Variants in MYO16 observed in about 807,000 individuals in gnomAD.
The protein encoded by MYO16 is myosin XVI.
A neutral mutation model predicts 205.3 loss-of-function variants in MYO16; 94 were observed. The ratio of observed to expected loss-of-function variants is 0.46; its 90% CI spans 0.39 to 0.54. The LOEUF is 0.54. Among genes scored for constraint, MYO16 ranks in the 20% least tolerant of loss-of-function variants. The pLI is 0.00. For synonymous variants in MYO16, 988 were observed against 954.0 expected (o/e 1.04, Z -0.66); for missense variants, 2,315 against 2,387.5 (o/e 0.97, Z 0.63).
At chr13:109,139,800 A>T (rs1876951795) in intron 31 of MYO16, among the ~76,000 whole-genome samples, 1 of 151,798 alleles carries the variant, frequency 6.6e-6, no homozygotes, top group South Asian at 2.1e-4. Flanking sequence ...CAGATAACAC[A>T]AGTAGTTTAG....
chr13:109,028,609 T>G (rs1886441289), intron 23 of MYO16, among the ~76,000 whole-genome samples: 1 of 151,482 alleles, frequency 6.6e-6, no homozygotes, highest in African/African-American at 2.4e-5. Context: ...TTTATATACA[T>G]ATTTTGAGTT....
chr13:108,602,101 G>GAAAA (rs11478461), intron 1 of MYO16, among the ~76,000 whole-genome samples: 2 of 118,052 alleles, frequency 1.7e-5, no homozygotes, highest in Admixed American at 8.9e-5. Context: ...AGGATATGAT[G>GAAAA]AAAAAAAAAA....
chr13:108,898,117 A>T lies in MYO16; in HGVS notation c.1761A>T (p.Lys587Asn). The T allele has an allele frequency of 6.2e-7, 1 of 1,610,924 alleles. No homozygotes were observed. Among genetic ancestry groups the T allele is most frequent in the South Asian group, 1.1e-5 (1 of 91,012 alleles). ...TTGAACTGCAGTTCTGTGAGAGGAAACAACAGCTAACCGGAGGTAAGTGCA... is the reference window on the plus strand; with the variant it reads ...TTGAACTGCAGTTCTGTGAGAGGAATCAACAGCTAACCGGAGGTAAGTGCA... ...KYFELQFCERKQQLTGARIYT... is the reference protein window; with the variant it reads ...KYFELQFCERNQQLTGARIYT... The change falls in exon 15 of 35, where the codon AAA (lysine) becomes AAT (asparagine). Residue 587 changes from lysine (K) to asparagine (N), a missense_variant. By Grantham distance (94) the Lys-to-Asn change is moderately conservative (BLOSUM62 0). Transcript: ENST00000457511.
intron 20 of MYO16, among the ~76,000 whole-genome samples, chr13:108,981,467 C>T (rs567003708): frequency 1.3e-5 from 2 of 152,342 alleles, no homozygotes; most frequent in East Asian, 3.9e-4. Context: ...TGAATTCGAG[C>T]TGGCCTTGTG....
chr13:109,003,017 G>T (rs1885268405), intron 21 of MYO16, among the ~76,000 whole-genome samples: 5 of 151,870 alleles, frequency 3.3e-5, no homozygotes, highest in Admixed American at 3.3e-4. Context: ...TTTAACTTTG[G>T]TTCAAACAAT....
intron 12 of MYO16, among the ~76,000 whole-genome samples, chr13:108,880,053 T>G (rs564647818): frequency 1.3e-5 from 2 of 152,316 alleles, no homozygotes; most frequent in East Asian, 3.9e-4. Context: ...TGATCGCCAT[T>G]CTAACTGGTG....
chr13:108,664,464 C>T (rs557841196), intron 1 of MYO16, among the ~76,000 whole-genome samples: 8 of 152,154 alleles, frequency 5.3e-5, no homozygotes, highest in South Asian at 4.2e-4. Context: ...GTGCACCTGG[C>T]GGCTGTGAGA....
chr13:108,935,917 T>A (rs1164252449), intron 16 of MYO16, among the ~76,000 whole-genome samples: 1 of 152,148 alleles, frequency 6.6e-6, no homozygotes, highest in Admixed American at 6.5e-5. Context: ...ATTCTGTTTA[T>A]GTGGTGAGCC....
intron 12 of MYO16, among the ~76,000 whole-genome samples, chr13:108,878,555 G>A (rs1461860968): frequency 1.3e-5 from 2 of 152,202 alleles, no homozygotes; most frequent in Admixed American, 1.3e-4. Flanking sequence ...CTGGATGCCA[G>A]ACAAGAGCTT....
At chr13:108,937,617 CA>C (rs1882548519) in intron 16 of MYO16, among the ~76,000 whole-genome samples, 1 of 152,174 alleles carries the variant, frequency 6.6e-6, no homozygotes, top group South Asian at 2.1e-4. Context: ...GACTGGCTTT[CA>C]AGCTCTGAAA....
intron 22 of MYO16, among the ~76,000 whole-genome samples, chr13:109,015,752 G>T (rs1314424047): frequency 6.6e-6 from 1 of 152,182 alleles, no homozygotes; most frequent in African/African-American, 2.4e-5. Context: ...TTTGCACAGA[G>T]TTGTTTATAG....
At chr13:108,763,751 A>T (rs1185197448) in intron 4 of MYO16, among the ~76,000 whole-genome samples, 1 of 151,468 alleles carries the variant, frequency 6.6e-6, no homozygotes, top group Non-Finnish European at 1.5e-5. Context: ...TCTAAGAGAC[A>T]GCTGGTCCTG....
chr13:108,680,223 T>C (rs545792823), intron 2 of MYO16, among the ~76,000 whole-genome samples: 1 of 152,320 alleles, frequency 6.6e-6, no homozygotes, highest in South Asian at 2.1e-4. Context: ...CTGGCTCTCA[T>C]CCAAGTGGCT....
intron 1 of MYO16, among the ~76,000 whole-genome samples, chr13:108,665,113 C>T (rs2139431421): frequency 6.6e-6 from 1 of 152,180 alleles, no homozygotes; most frequent in South Asian, 2.1e-4. Context: ...CTCCTGTTTT[C>T]CCCACTCTGT....
chr13:108,648,819 A>G lies in MYO16; in HGVS notation c.29-17067A>G, dbSNP rs539269899. Among the ~76,000 whole-genome samples, 14 of 152,182 alleles carry G rather than the reference A, an allele frequency of 9.2e-5. No individual in the cohort carries two copies. The South Asian group carries it at 2.9e-3, about 32-fold the overall frequency. Reference sequence around the variant, plus strand: ...CTTTTATATTTGGAAAATGGCCCTTATACTCAGAAAATCTGAATGCCAGTG... The same window carrying G: ...CTTTTATATTTGGAAAATGGCCCTTGTACTCAGAAAATCTGAATGCCAGTG... On this transcript the variant is annotated intron_variant, in intron 1 of 34. Transcript: ENST00000457511.
intron 22 of MYO16, among the ~76,000 whole-genome samples, chr13:109,015,827 T>C (rs1353513270): frequency 6.6e-6 from 1 of 152,222 alleles, no homozygotes; most frequent in Non-Finnish European, 1.5e-5. Flanking sequence ...TCATTTTTTA[T>C]TGTGTCTATT....
At chr13:108,902,753 C>T (rs1880770993) in intron 15 of MYO16, among the ~76,000 whole-genome samples, 5 of 152,180 alleles carry the variant, frequency 3.3e-5, no homozygotes, top group Admixed American at 3.3e-4. Context: ...ACACTGGTCA[C>T]ATTGGATTAG....
chr13:108,993,121 A>G (rs4000577), intron 21 of MYO16, among the ~76,000 whole-genome samples: 103,547 of 151,996 alleles, frequency 0.68, 36,337 homozygotes, highest in East Asian at 0.77. Context: ...AAGCTACATT[A>G]TAGTACGGGA....
chr13:108,519,833 A>T, the MYO16 span, among the ~76,000 whole-genome samples: 1 of 152,192 alleles, frequency 6.6e-6, no homozygotes, highest in African/African-American at 2.4e-5. Flanking sequence ...AGGAAAAGGA[A>T]TTGAAATTAG....
Sources: allele counts gnomAD v4.1 joint callset (sites outside exome capture counted in the v4.1 genomes callset), GRCh38; gene constraint gnomAD v4.1.1; transcripts MANE v1.5; gene names NCBI Gene and HGNC (gene_info 2026-07-23, HGNC 2026-07-21).